XKR9: variants seen among roughly 807,000 people sequenced by gnomAD.
XKR9 encodes XK-related protein 9.
In XKR9, 32 loss-of-function variants were observed where a neutral mutation model predicts 32.0. That is an observed-to-expected ratio of 1.00 (90% CI 0.76 to 1.34). The LOEUF (loss-of-function observed/expected upper bound fraction) is 1.34. XKR9 is among the 40% of genes most tolerant of loss of function. The probability of loss-of-function intolerance (pLI) is 0.00; values close to 1 mark genes in which losing one functional copy is unlikely to be tolerated. For synonymous variants in XKR9, 168 were observed against 143.4 expected (o/e 1.17, Z -1.22); for missense variants, 546 against 429.7 (o/e 1.27, Z -2.39).
the XKR9 span, among the ~76,000 whole-genome samples, chr8:70,800,203 G>C: frequency 4.6e-5 from 7 of 152,178 alleles, no homozygotes; most frequent in Non-Finnish European, 1.0e-4. Context: ...GCATCCCAGG[G>C]ATAAAGCCTA....
At chr8:70,792,428 A>T (rs765598048), downstream of XKR9, among the ~76,000 whole-genome samples, 2 of 152,126 alleles carry the variant, frequency 1.3e-5, no homozygotes, top group African/African-American at 4.8e-5. Flanking sequence ...CCCTGAGGAA[A>T]TGACCTTGAA....
intron 2 of XKR9, among the ~76,000 whole-genome samples, chr8:70,676,119 A>G (rs1818877704): frequency 6.6e-6 from 1 of 152,210 alleles, no homozygotes; most frequent in Non-Finnish European, 1.5e-5. Flanking sequence ...CAGGAAGCTT[A>G]CAATCATGGC....
intron 2 of XKR9, among the ~76,000 whole-genome samples, chr8:70,770,981 A>T (rs1005678953): frequency 6.6e-6 from 1 of 152,160 alleles, no homozygotes; most frequent in Non-Finnish European, 1.5e-5. Flanking sequence ...TCCTGCAGCT[A>T]GCTTGGTGTC....
chr8:70,902,262 A>G, the XKR9 span, among the ~76,000 whole-genome samples: 2 of 152,264 alleles, frequency 1.3e-5, no homozygotes, highest in East Asian at 3.9e-4. Flanking sequence ...CATTTTCACA[A>G]GATTGATTCT....
chr8:70,823,802 C>T, the XKR9 span, among the ~76,000 whole-genome samples: 41 of 152,022 alleles, frequency 2.7e-4, no homozygotes, highest in South Asian at 8.4e-4. Context: ...TCAAGAGGAA[C>T]CAGAAGGCTT....
the XKR9 span, among the ~76,000 whole-genome samples, chr8:70,909,331 C>T: frequency 7.2e-5 from 11 of 152,010 alleles, no homozygotes; most frequent in African/African-American, 2.2e-4. Flanking sequence ...CATATTGGTC[C>T]CCCTGTCTGA....
intron 2 of XKR9, among the ~76,000 whole-genome samples, chr8:70,743,739 A>C (rs898640698): frequency 6.6e-6 from 1 of 152,060 alleles, no homozygotes; most frequent in Non-Finnish European, 1.5e-5. Flanking sequence ...ATTTTTCAGC[A>C]GTTGTGATCA....
intron 3 of XKR9, among the ~76,000 whole-genome samples, chr8:70,696,142 C>G (rs1481386744): frequency 1.3e-5 from 2 of 151,696 alleles, no homozygotes; most frequent in Middle Eastern, 3.4e-3. Context: ...TGCCTGTTCA[C>G]TCTGATGGTA....
chr8:71,012,199 G>GA, the XKR9 span, among the ~76,000 whole-genome samples: 1 of 152,166 alleles, frequency 6.6e-6, no homozygotes. Context: ...ATTCTACAGT[G>GA]AATCATCTGA....
the XKR9 span, among the ~76,000 whole-genome samples, chr8:71,059,046 T>A: frequency 5.9e-5 from 9 of 152,240 alleles, no homozygotes; most frequent in Non-Finnish European, 1.2e-4. Context: ...AAAGGAAACG[T>A]CAACTGTATT....
At chr8:70,962,556 G>T in the XKR9 span, among the ~76,000 whole-genome samples, 1 of 152,118 alleles carries the variant, frequency 6.6e-6, no homozygotes, top group African/African-American at 2.4e-5. Context: ...TTTTCTATGG[G>T]TGTAGCATTC....
chr8:70,891,260 A>T, the XKR9 span, among the ~76,000 whole-genome samples: 2 of 150,040 alleles, frequency 1.3e-5, no homozygotes, highest in Non-Finnish European at 3.0e-5. Context: ...TGTTTCATTG[A>T]TCTTTTGTAT....
At chr8:70,759,902 A>G (rs1807285065) in intron 2 of XKR9, among the ~76,000 whole-genome samples, 1 of 152,228 alleles carries the variant, frequency 6.6e-6, no homozygotes, top group South Asian at 2.1e-4. Flanking sequence ...TCTATAAATG[A>G]ATCAAATTTA....
At chr8:71,000,067 T>C in the XKR9 span, among the ~76,000 whole-genome samples, 2 of 152,378 alleles carry the variant, frequency 1.3e-5, no homozygotes, top group African/African-American at 4.8e-5. Flanking sequence ...ATGCACAATT[T>C]ATTCACATCA....
At chr8:71,039,921 T>C in the XKR9 span, among the ~76,000 whole-genome samples, 9 of 152,142 alleles carry the variant, frequency 5.9e-5, no homozygotes, top group Admixed American at 2.6e-4. Flanking sequence ...CCAGGAGTGC[T>C]CTCAGGATAT....
the XKR9 span, among the ~76,000 whole-genome samples, chr8:70,820,734 G>A: frequency 1.3e-5 from 2 of 152,090 alleles, no homozygotes; most frequent in South Asian, 4.1e-4. Context: ...GAGTTAAGGG[G>A]GAAGAGCCCC....
chr8:71,064,544 G>C, the XKR9 span, among the ~76,000 whole-genome samples: 1 of 152,112 alleles, frequency 6.6e-6, no homozygotes, highest in Non-Finnish European at 1.5e-5. Context: ...TCAATGAAAA[G>C]CTCATTGAAT....
At chr8:70,897,187 C>T in the XKR9 span, among the ~76,000 whole-genome samples, 1 of 152,170 alleles carries the variant, frequency 6.6e-6, no homozygotes, top group African/African-American at 2.4e-5. Context: ...ACTCCCACTT[C>T]CATCCATGCT....
the XKR9 span, among the ~76,000 whole-genome samples, chr8:70,809,054 C>T: frequency 7.1e-3 from 1,078 of 152,324 alleles, 4 homozygotes; most frequent in Non-Finnish European, 0.01. Context: ...CCAGTAGGGG[C>T]AGACTGACAC....
Sources: allele counts gnomAD v4.1 joint callset (sites outside exome capture counted in the v4.1 genomes callset), GRCh38; gene constraint gnomAD v4.1.1; transcripts MANE v1.5; gene names NCBI Gene and HGNC (gene_info 2026-07-23, HGNC 2026-07-21).